SAFB: variants seen among roughly 807,000 people sequenced by gnomAD.
The protein encoded by SAFB is scaffold attachment factor B.
In SAFB, 15 loss-of-function variants were observed where a neutral mutation model predicts 101.6. That is an observed-to-expected ratio of 0.15 (90% confidence interval 0.10 to 0.23). The LOEUF is 0.23. SAFB is among the 10% of genes least tolerant of loss of function. The pLI is 1.00. For synonymous variants in SAFB, 449 were observed against 407.5 expected (o/e 1.10, Z -1.23); for missense variants, 930 against 1,104.1 (o/e 0.84, Z 2.23).
intron 17 of SAFB, chr19:5,666,378 A>G (rs1457528465): frequency 6.5e-6 from 1 of 153,336 alleles, no homozygotes; most frequent in Admixed American, 6.5e-5. Context: ...GTGGCTTACA[A>G]AAACAATGAC....
intron 2 of SAFB, among the ~76,000 whole-genome samples, chr19:5,630,768 A>AC (rs770090480): frequency 6.6e-6 from 1 of 151,848 alleles, no homozygotes; most frequent in Non-Finnish European, 1.5e-5. Context: ...AAAAAAAAAA[A>AC]CTATATGTAT....
chr19:5,623,176 A>C lies in SAFB; in HGVS notation c.-30A>C, dbSNP rs941978295. ...TGATAAAACCGGCCCGGTTCTGTGG[A>C]AAGTGGGCGGCGGAGCCAGGGTCCC... On this transcript the variant is annotated 5_prime_UTR_variant, in exon 1 of 21. Transcript: ENST00000588852. 6 of 1,555,346 alleles carry C rather than the reference A, an allele frequency of 3.9e-6. No individual in the cohort carries two copies. The African/African-American group carries it at 8.2e-5, about 21-fold the overall frequency.
At position 5,667,989 on chromosome 19, in the gene SAFB, C is replaced by A. The variant is rs988825200; in HGVS notation, c.2624+103C>A. 24 of 1,436,308 alleles carry A rather than the reference C, an allele frequency of 1.7e-5. No homozygotes were observed. Among genetic ancestry groups the A allele is most frequent in the African/African-American group, 2.8e-5 (2 of 70,462 alleles). The allele number at this position is 1,436,308 out of a possible 1,614,324, so 89.0% of individuals were successfully genotyped here. ...TCCTTCCAGCTAGTGCCCCTCCCCC[C>A]AAGGGTGACGTGAGGCCAGGCATGG... On this transcript the variant is annotated intron_variant, in intron 20 of 20. Coordinates refer to ENST00000588852, the MANE Select transcript of SAFB (RefSeq NM_001201338.2). This position sits in a 1 kb window ranked among gnomAD's most constrained non-coding sequence, Gnocchi z 4.0.
chr19:5,623,426 G>A (rs767861794), intron 1 of SAFB, 32 bp downstream of exon 1: 49 of 1,601,220 alleles, frequency 3.1e-5, no homozygotes, highest in East Asian at 2.2e-5. Flanking sequence ...CGGGCACAGG[G>A]TGGGTCTGGG....
rs1276229080 is a variant in SAFB, at chr19:5,664,037, T to C, written c.2169T>C (p.Tyr723=). The C allele has an allele frequency of 2.5e-6, 4 of 1,613,904 alleles. No homozygotes were observed. Among genetic ancestry groups the C allele is most frequent in the Admixed American group, 1.7e-5 (1 of 60,000 alleles). ...CCCCTCACAGGCGAGATGATGCCTA[T>C]TGGCCGGAAGCCAAGCGGGCCGCCC... is the stretch of plus-strand genomic sequence containing the variant. The part of the protein sequence containing the change: ...PYDLDRRDDA[Y]WPEAKRAALD... The change falls in exon 16 of 21, where the codon TAT becomes TAC. Residue 723 remains tyrosine, a synonymous_variant. Transcript: ENST00000588852.
intron 2 of SAFB, among the ~76,000 whole-genome samples, chr19:5,637,444 C>T (rs539809456): frequency 7.9e-5 from 12 of 151,824 alleles, no homozygotes; most frequent in African/African-American, 2.9e-4. Context: ...ACTTGAGAGC[C>T]TAGGAGTTCA....
intron 2 of SAFB, among the ~76,000 whole-genome samples, chr19:5,629,301 C>A (rs749195865): frequency 3.3e-4 from 51 of 152,286 alleles, no homozygotes; most frequent in South Asian, 1.7e-3. Flanking sequence ...CATGGTGGCA[C>A]ACACCTGTAG....
rs2053723902 is a variant in SAFB at position 5,641,910 on chromosome 19, A to G, written c.510A>G (p.Glu170=). 1 of 1,614,186 alleles carries G rather than the reference A, an allele frequency of 6.2e-7. No individual in the cohort carries two copies. The highest frequency in any genetic ancestry group is 8.5e-7 in the Non-Finnish European group (1 of 1,180,034). ...ATAGTAGAGAGCTAGTCGAGGGGGAAATGAAAGAGCTTCCGGAGCAGCTTC... is the reference window on the plus strand; with the variant it reads ...ATAGTAGAGAGCTAGTCGAGGGGGAGATGAAAGAGCTTCCGGAGCAGCTTC... ...LSDSRELVEG[E]MKELPEQLQE... is the part of the protein sequence containing the mutation. The change falls in exon 4 of 21, where the codon GAA becomes GAG. Residue 170 remains glutamate (E), a synonymous_variant. Transcript: ENST00000588852.
At chr19:5,635,571 T>C (rs2053578948) in intron 2 of SAFB, among the ~76,000 whole-genome samples, 1 of 152,150 alleles carries the variant, frequency 6.6e-6, no homozygotes. Context: ...TTAATACGTA[T>C]ATTTGCATAA....
At chr19:5,625,810 G>A (rs1184487461) in intron 1 of SAFB, among the ~76,000 whole-genome samples, 4 of 152,144 alleles carry the variant, frequency 2.6e-5, no homozygotes, top group Admixed American at 6.5e-5. Flanking sequence ...TACTGGAGTC[G>A]GTTGTGAATG....
At chr19:5,659,314 A>G (rs2054140548) in intron 14 of SAFB, among the ~76,000 whole-genome samples, 1 of 152,140 alleles carries the variant, frequency 6.6e-6, no homozygotes, top group African/African-American at 2.4e-5. Context: ...TCAAATAAGA[A>G]ATAAGGACAA....
At chr19:5,636,348 T>A (rs191887167) in intron 2 of SAFB, among the ~76,000 whole-genome samples, 4 of 152,266 alleles carry the variant, frequency 2.6e-5, no homozygotes, top group Admixed American at 1.3e-4. Flanking sequence ...GTAATCATTC[T>A]GTGGCAATGC....
chr19:5,642,409 G>GC (rs2053735826), intron 4 of SAFB, among the ~76,000 whole-genome samples: 1 of 151,996 alleles, frequency 6.6e-6, no homozygotes, highest in Non-Finnish European at 1.5e-5. Context: ...TTGTGCAATT[G>GC]AAGTCCAGCC....
At chr19:5,663,895 A>G (rs2054270774) in intron 15 of SAFB, 127 bp from the exon 16 acceptor site, 2 of 1,034,770 alleles carry the variant, frequency 1.9e-6, no homozygotes, top group African/African-American at 1.6e-5. Flanking sequence ...CTTGCCTCCT[A>G]TAGGAGAGAA....
chr19:5,630,452 T>C (rs1360780468), intron 2 of SAFB, among the ~76,000 whole-genome samples: 1 of 152,248 alleles, frequency 6.6e-6, no homozygotes, highest in Non-Finnish European at 1.5e-5. Flanking sequence ...TTAAAAGGAC[T>C]TCTTTGCTTT....
chr19:5,623,433 T>G, intron 1 of SAFB, 39 bp downstream of exon 1: 15 of 1,560,892 alleles, frequency 9.6e-6, no homozygotes, highest in South Asian at 2.3e-5. Context: ...AGGGTGGGTC[T>G]GGGGTCCTCT....
Position 5,623,111 on chromosome 19 carries a change from G to C in SAFB, c.-95G>C, listed in dbSNP as rs1599296754. ...AGCGAGGCGCGCTGGGGCGACTGGA[G>C]CGGTTCCCTCGCAGGCGGCGCCATT... On this transcript the variant is annotated 5_prime_UTR_variant, in exon 1 of 21. Coordinates refer to ENST00000588852, the MANE Select transcript of SAFB (RefSeq NM_001201338.2). The C allele has an allele frequency of 6.3e-6, 8 of 1,277,172 alleles. No individual in the cohort carries two copies. The highest frequency in any genetic ancestry group is 6.6e-6 in the Non-Finnish European group (6 of 914,624). 79.1% of individuals were successfully genotyped at this position (1,277,172 alleles called of 1,614,324 possible). A position where few individuals can be genotyped will look rare whatever the true frequency, so the allele number is the denominator to read the frequency against.
chr19:5,668,022 T>G, intron 20 of SAFB, 136 bp downstream of exon 20: 2 of 1,418,246 alleles, frequency 1.4e-6, no homozygotes, highest in South Asian at 2.7e-5. Flanking sequence ...TGGGGTACTG[T>G]GGAGGCTGCT....
intron 2 of SAFB, among the ~76,000 whole-genome samples, chr19:5,631,238 C>T (rs1204921037): frequency 6.6e-6 from 1 of 152,148 alleles, no homozygotes; most frequent in Non-Finnish European, 1.5e-5. Flanking sequence ...ACTTCTGCCC[C>T]TCCCAGTGCG....
Sources: allele counts gnomAD v4.1 joint callset (sites outside exome capture counted in the v4.1 genomes callset), GRCh38; gene constraint gnomAD v4.1.1; non-coding constraint Gnocchi (gnomAD v3.1); transcripts MANE v1.5; gene names NCBI Gene and HGNC (gene_info 2026-07-23, HGNC 2026-07-21).